The following ACOT2 variants were observed in gnomAD, a reference collection of about 807,000 sequenced individuals.
ACOT2 encodes acyl-CoA thioesterase 2.
In ACOT2, 15 loss-of-function variants were observed where a neutral mutation model predicts 20.1. The observed-to-expected ratio is 0.75, with a 90% CI of 0.50 to 1.15. ACOT2 has a LOEUF of 1.15. ACOT2 is among the 50% of genes most tolerant of loss of function. The probability of loss-of-function intolerance (pLI) is 0.00; values close to 1 mark genes in which losing one functional copy is unlikely to be tolerated. For synonymous variants in ACOT2, 252 were observed against 268.4 expected, an observed-to-expected ratio of 0.94 and a Z score of 0.60; for missense variants, 479 against 615.3, an observed-to-expected ratio of 0.78 and a Z score of 2.34.
In ACOT2 at chr14:73,575,004, G is replaced by A. The variant is rs1173801451; in HGVS notation, c.943G>A (p.Val315Ile). The change falls in exon 3 of 3, where the codon GTC becomes ATC. Residue 315 changes from valine to isoleucine, a missense_variant. Around this residue, in one of 4 missense-constraint regions of ACOT2, gnomAD observed 39 missense variants for 108.0 expected, o/e 0.36. Coordinates refer to ENST00000238651, the MANE Select transcript of ACOT2 (RefSeq NM_006821.6). Reference protein sequence around the residue: ...SFLKGITAAVVINGSVANVGG... With the variant: ...SFLKGITAAVIINGSVANVGG... ...CCTGAAGGGCATCACGGCTGCTGTC[G>A]TCATCAACGGCTCTGTGGCCAATGT... is the stretch of plus-strand genomic sequence containing the variant. The A allele has an allele frequency of 8.8e-6, 14 of 1,599,244 alleles. No individual in the cohort carries two copies. Among genetic ancestry groups the A allele is most frequent in the African/African-American group, 2.7e-5 (2 of 73,072 alleles).
At chr14:73,570,295 C>A (rs565034798) in intron 1 of ACOT2, among the ~76,000 whole-genome samples, 3 of 151,770 alleles carry the variant, frequency 2.0e-5, no homozygotes, top group Non-Finnish European at 4.4e-5. Flanking sequence ...AAGGGCCAGG[C>A]GCAGTGGCTC....
chr14:73,573,578 C>T lies in ACOT2; in HGVS notation c.834C>T (p.Leu278=), dbSNP rs1407683137. 9 of 1,613,618 alleles carry T rather than the reference C, an allele frequency of 5.6e-6. No homozygotes were observed. Among genetic ancestry groups the T allele is most frequent in the African/African-American group, 5.3e-5 (4 of 74,888 alleles). Reference sequence around the variant, plus strand: ...TTGAAGAAGCCATGAACTACTTGCTCAGTCATCCCGAGGTTAGTTCTTCTT... The same window carrying T: ...TTGAAGAAGCCATGAACTACTTGCTTAGTCATCCCGAGGTTAGTTCTTCTT... ...EYFEEAMNYL[L]SHPEVKGPGV... Residue 278 remains leucine, a synonymous_variant, in exon 2 of 3, where the codon CTC becomes CTT. Coordinates refer to ENST00000238651, the MANE Select transcript of ACOT2 (RefSeq NM_006821.6).
Position 73,569,763 on chromosome 14 carries a change from G to A in ACOT2, c.523G>A (p.Asp175Asn). Residue 175 changes from aspartate to asparagine, a missense_variant, in exon 1 of 3, where the codon GAC (aspartate) becomes AAC (asparagine). By Grantham distance (23) the Asp-to-Asn change is conservative (BLOSUM62 1). Transcript: ENST00000238651. Reference protein sequence around the residue: ...AVELEVLDGHDPDPGRLLCQT... With the variant: ...AVELEVLDGHNPDPGRLLCQT... Reference sequence around the variant, plus strand: ...GGAGCTGGAGGTGCTGGATGGCCACGACCCCGACCCCGGGCGGCTGCTGTG... The same window carrying A: ...GGAGCTGGAGGTGCTGGATGGCCACAACCCCGACCCCGGGCGGCTGCTGTG... The A allele has an allele frequency of 6.2e-7, 1 of 1,607,920 alleles. No individual in the cohort carries two copies. The highest frequency in any genetic ancestry group is 1.1e-5 in the South Asian group (1 of 90,730).
rs897475175 is a variant in ACOT2 at position 73,569,992 on chromosome 14, C to T, written c.643+109C>T. The T allele has an allele frequency of 4.2e-6, 6 of 1,430,194 alleles. No individual in the cohort carries two copies. In the Admixed American group the frequency reaches 7.5e-5, roughly 18 times the overall value. 88.6% of individuals were successfully genotyped at this position (1,430,194 alleles called of 1,614,324 possible). A position where few individuals can be genotyped will look rare whatever the true frequency, so the allele number is the denominator to read the frequency against. On this transcript the variant is annotated intron_variant, in intron 1 of 2. Transcript: ENST00000238651. ...TATGCCCCCCCGCCGCGCCCCCGGG[C>T]TATATTGCCCAGGCAGGTTTCGAAT...
At chr14:73,570,627 G>A (rs1475149327) in intron 1 of ACOT2, among the ~76,000 whole-genome samples, 1 of 151,750 alleles carries the variant, frequency 6.6e-6, no homozygotes, top group Non-Finnish European at 1.5e-5. Context: ...AAAACAGGCC[G>A]GGCGCGGTGG....
intron 2 of ACOT2, among the ~76,000 whole-genome samples, chr14:73,574,122 T>C (rs1366358299): frequency 3.0e-4 from 46 of 151,370 alleles, no homozygotes; most frequent in African/African-American, 6.1e-4. Context: ...CTGCCCACCT[T>C]GGCCTCCCAG....
Position 73,569,777 on chromosome 14 carries a change from G to C in ACOT2, c.537G>C (p.Gly179=). ...TGGATGGCCACGACCCCGACCCCGG[G>C]CGGCTGCTGTGCCAGACGCGGCACG... ...EVLDGHDPDP[G]RLLCQTRHER... is the part of the protein sequence containing the mutation. Residue 179 remains glycine (G), a synonymous_variant, in exon 1 of 3, where the codon GGG becomes GGC. Transcript: ENST00000238651. 1 of 1,606,522 alleles carries C rather than the reference G, an allele frequency of 6.2e-7. No individual in the cohort carries two copies. Among genetic ancestry groups the C allele is most frequent in the East Asian group, 2.2e-5 (1 of 44,766 alleles).
In ACOT2 at chr14:73,569,804, G is replaced by C; in HGVS notation, c.564G>C (p.Glu188Asp). 6.2e-7 allele frequency: 1 copy of C among 1,602,724 alleles called. No individual in the cohort carries two copies. Among genetic ancestry groups the C allele is most frequent in the Non-Finnish European group, 8.5e-7 (1 of 1,175,744 alleles). Residue 188 changes from glutamate (E) to aspartate (D), a missense_variant, in exon 1 of 3, where the codon GAG (glutamate) becomes GAC (aspartate). By Grantham distance (45) the Glu-to-Asp change is conservative. Around this residue, in one of 4 missense-constraint regions of ACOT2, gnomAD observed 400 missense variants for 395.5 expected, o/e 1.01. Coordinates refer to ENST00000238651, the MANE Select transcript of ACOT2 (RefSeq NM_006821.6). ...GGCTGCTGTGCCAGACGCGGCACGA[G>C]CGCTACTTCCTCCCGCCCGGGGTGC... is the stretch of plus-strand genomic sequence containing the variant. ...PGRLLCQTRH[E>D]RYFLPPGVRR...
chr14:73,569,058 A>G, upstream of ACOT2: 1 of 774,022 alleles, frequency 1.3e-6, no homozygotes, highest in East Asian at 2.7e-5. Flanking sequence ...CAAGCTTCTG[A>G]AAAGCAAACC....
In ACOT2 at chr14:73,573,487, T is replaced by C. The variant is rs777370230; in HGVS notation, c.743T>C (p.Met248Thr). ...SLLAGKGFAV[M>T]ALAYYNYEDL... ...CTGGCTGGGAAGGGTTTTGCTGTGA[T>C]GGCTCTGGCTTATTATAACTATGAA... Residue 248 changes from methionine (M) to threonine (T), a missense_variant, in exon 2 of 3, where the codon ATG (methionine) becomes ACG (threonine). Physicochemically the swap from Met to Thr is moderately conservative, Grantham distance 81. This residue lies in a region of ACOT2 where 400 missense variants were observed against 395.5 expected (regional missense o/e 1.01). Coordinates refer to ENST00000238651, the MANE Select transcript of ACOT2 (RefSeq NM_006821.6). 1 of 1,613,768 alleles carries C rather than the reference T, an allele frequency of 6.2e-7. No homozygotes were observed. Among genetic ancestry groups the C allele is most frequent in the East Asian group, 2.2e-5 (1 of 44,890 alleles).
chr14:73,568,493 G>A (rs1889643461), upstream of ACOT2, among the ~76,000 whole-genome samples: 1 of 151,904 alleles, frequency 6.6e-6, no homozygotes, highest in Non-Finnish European at 1.5e-5. Context: ...CCAGGAGTTG[G>A]AGGTTTGTAA....
upstream of ACOT2, chr14:73,569,178 C>G (rs1696264460): frequency 1.3e-5 from 20 of 1,576,370 alleles, no homozygotes; most frequent in Non-Finnish European, 1.6e-5. Flanking sequence ...TGGCCTTCCC[C>G]GCTCACGTTA....
At chr14:73,574,494 C>G in intron 2 of ACOT2, 1 of 332,102 alleles carries the variant, frequency 3.0e-6, no homozygotes, top group Non-Finnish European at 5.7e-6. Context: ...AACTCCTGAC[C>G]TCAAATGATC....
intron 2 of ACOT2, 45 bp from the exon 3 acceptor site, chr14:73,574,863 G>C (rs1889847665): frequency 2.5e-6 from 4 of 1,613,042 alleles, no homozygotes; most frequent in Non-Finnish European, 3.4e-6. Flanking sequence ...ATATTCCACT[G>C]TTTGTGGAAT....
At chr14:73,574,816 C>T (rs1446349555) in intron 2 of ACOT2, 92 bp from the exon 3 acceptor site, 1 of 1,594,176 alleles carries the variant, frequency 6.3e-7, no homozygotes, top group Non-Finnish European at 8.6e-7. Context: ...GATTCAGACT[C>T]AGGTTCAACT....
Position 73,569,543 on chromosome 14 carries a change from C to T in ACOT2, c.303C>T (p.Arg101=). ...EQPVTLRASL[R]DEKGALFQAH... ...CGGTCACGCTGCGCGCGTCCCTGCG[C>T]GACGAGAAGGGCGCGCTTTTCCAGG... The change falls in exon 1 of 3, where the codon CGC becomes CGT. Residue 101 remains arginine, a synonymous_variant. Coordinates refer to ENST00000238651, the MANE Select transcript of ACOT2 (RefSeq NM_006821.6). 1 of 1,605,028 alleles carries T rather than the reference C, an allele frequency of 6.2e-7. No individual in the cohort carries two copies. Among genetic ancestry groups the T allele is most frequent in the Non-Finnish European group, 8.5e-7 (1 of 1,176,470 alleles).
In ACOT2 at chr14:73,570,025, C is replaced by G; in HGVS notation, c.643+142C>G. On this transcript the variant is annotated intron_variant, in intron 1 of 2. Coordinates refer to ENST00000238651, the MANE Select transcript of ACOT2 (RefSeq NM_006821.6). Reference sequence around the variant, plus strand: ...CCCAGGCAGGTTTCGAATTCCTGGTCTCCAGCTATCTTCCCGCCTCTGCCT... The same window carrying G: ...CCCAGGCAGGTTTCGAATTCCTGGTGTCCAGCTATCTTCCCGCCTCTGCCT... The G allele has an allele frequency of 1.2e-5, 16 of 1,319,576 alleles. 1 individual carries two copies. The highest frequency in any genetic ancestry group is 1.6e-5 in the Non-Finnish European group (16 of 995,752). The allele number at this position is 1,319,576 out of a possible 1,614,324, so 81.7% of individuals were successfully genotyped here.
Position 73,575,132 on chromosome 14 carries a change from C to T in ACOT2, c.1071C>T (p.Val357=). The part of the protein sequence containing the change: ...TKDGYADIVD[V]LNSPLEGPDQ... ...ATGGCTATGCAGACATTGTGGATGT[C>T]CTGAACAGCCCTTTGGAAGGACCTG... Residue 357 remains valine, a synonymous_variant, in exon 3 of 3, where the codon GTC becomes GTT. Coordinates refer to ENST00000238651, the MANE Select transcript of ACOT2 (RefSeq NM_006821.6). 3.1e-6 allele frequency: 4 copies of T among 1,283,768 alleles called. No homozygotes were observed. Among genetic ancestry groups the T allele is most frequent in the Non-Finnish European group, 4.3e-6 (4 of 930,766 alleles). 79.5% of individuals were successfully genotyped at this position (1,283,768 alleles called of 1,614,324 possible). A position where few individuals can be genotyped will look rare whatever the true frequency, so the allele number is the denominator to read the frequency against.
intron 1 of ACOT2, among the ~76,000 whole-genome samples, chr14:73,572,636 T>A (rs1313681205): frequency 1.4e-5 from 1 of 69,294 alleles, no homozygotes; most frequent in Non-Finnish European, 2.5e-5. Flanking sequence ...GTAAGGTGTT[T>A]GCATTTTTTT....
Sources: allele counts gnomAD v4.1 joint callset (sites outside exome capture counted in the v4.1 genomes callset), GRCh38; gene constraint gnomAD v4.1.1; regional missense constraint gnomAD v4.1.1; transcripts MANE v1.5; gene names NCBI Gene and HGNC (gene_info 2026-07-23, HGNC 2026-07-21).